The following MSH3 variants were observed in gnomAD, a reference collection of about 807,000 sequenced individuals.
The protein encoded by MSH3 is mutS homolog 3, also known as DNA mismatch repair protein Msh3.
Under a neutral mutation model 123.3 loss-of-function variants are expected in MSH3, and 106 were observed. The observed-to-expected ratio is 0.86, with a 90% confidence interval of 0.73 to 1.01. MSH3 has a LOEUF of 1.01. Among genes scored for constraint, MSH3 ranks in the 50% least tolerant of loss-of-function variants. The probability of loss-of-function intolerance (pLI) is 0.00; values close to 1 mark genes in which losing one functional copy is unlikely to be tolerated. For missense variants in MSH3, 1,459 were observed against 1,347.6 expected (o/e 1.08, Z -1.29); for synonymous variants, 515 against 481.4 (o/e 1.07, Z -0.91).
chr5:80,831,714 GA>G (rs1745420736), intron 20 of MSH3, among the ~76,000 whole-genome samples: 1 of 148,920 alleles, frequency 6.7e-6, no homozygotes, highest in African/African-American at 2.5e-5. Context: ...AACAAGCTTT[GA>G]CTTAGACATC....
In MSH3 at chr5:80,813,620, A is replaced by C; in HGVS notation, c.2692A>C (p.Asn898His). The change falls in exon 20 of 24, where the codon AAC becomes CAC. Residue 898 changes from asparagine (N) to histidine (H), a missense_variant. Physicochemically the swap from Asn to His is moderately conservative, Grantham distance 68 (BLOSUM62 1). Transcript: ENST00000265081. ...SERVMIITGP[N>H]MGGKSSYIKQ... ...GAGAGTAATGATAATTACCGGACCA[A>C]ACATGGGTGGAAAGAGCTCCTACAT... 1 of 1,614,180 alleles carries C rather than the reference A, an allele frequency of 6.2e-7. No homozygotes were observed. Among genetic ancestry groups the C allele is most frequent in the South Asian group, 1.1e-5 (1 of 91,080 alleles).
At chr5:80,749,968 CTCTG>C (rs1743803132) in intron 12 of MSH3, among the ~76,000 whole-genome samples, 1 of 151,844 alleles carries the variant, frequency 6.6e-6, no homozygotes, top group African/African-American at 2.4e-5. Flanking sequence ...TGTGGTATTT[CTCTG>C]TCTGTGCCTG....
chr5:80,836,573 A>G, intron 20 of MSH3, among the ~76,000 whole-genome samples: 1 of 141,646 alleles, frequency 7.1e-6, no homozygotes. Flanking sequence ...AAAAGCTCTG[A>G]ATTAGTTTTC....
At chr5:80,754,043 A>G (rs747160450) in intron 12 of MSH3, among the ~76,000 whole-genome samples, 3 of 152,166 alleles carry the variant, frequency 2.0e-5, no homozygotes, top group South Asian at 2.1e-4. Flanking sequence ...GTTGCCAGAG[A>G]TGGTTTTTGT....
Position 80,775,734 on chromosome 5 carries a change from C to A in MSH3, c.2294C>A (p.Pro765Gln). Residue 765 changes from proline (P) to glutamine (Q), a missense_variant, in exon 16 of 24, where the codon CCA (proline) becomes CAA (glutamine). Coordinates refer to ENST00000265081, the MANE Select transcript of MSH3 (RefSeq NM_002439.5). ...AAGAACTCTGCTGTATCTTGTATAC[C>A]AACTGATTGGGTAAAGGTTGGAAGG... ...EIKNSAVSCI[P>Q]TDWVKVGSTK... is the part of the protein sequence containing the mutation. 1 of 1,588,144 alleles carries A rather than the reference C, an allele frequency of 6.3e-7. No individual in the cohort carries two copies. Among genetic ancestry groups the A allele is most frequent in the South Asian group, 1.1e-5 (1 of 90,454 alleles).
chr5:80,865,768 C>G (rs1378518427), intron 22 of MSH3, among the ~76,000 whole-genome samples: 1 of 152,058 alleles, frequency 6.6e-6, no homozygotes, highest in African/African-American at 2.4e-5. Context: ...GCAAGATACC[C>G]CAGAGTCCAG....
In MSH3 at chr5:80,759,528, A is replaced by T. The variant is rs1580025150; in HGVS notation, c.1764-2018A>T. Among the ~76,000 whole-genome samples, 3 of 152,324 alleles carry T rather than the reference A, an allele frequency of 2.0e-5. No homozygotes were observed. In the South Asian group the frequency reaches 6.2e-4, roughly 32 times the overall value. On this transcript the variant is annotated intron_variant, in intron 12 of 23. Transcript: ENST00000265081. ...AACTTAGAGTAGGAGGAAGAGAGTG[A>T]CACATGATCTCAGGGGAGACCCAAG...
chr5:80,737,244 A>T (rs1743528033), intron 10 of MSH3, among the ~76,000 whole-genome samples: 1 of 152,138 alleles, frequency 6.6e-6, no homozygotes, highest in African/African-American at 2.4e-5. Context: ...TCAGCAATAG[A>T]TTTCATGTGT....
chr5:80,677,618 A>G (rs1749871735), intron 7 of MSH3, among the ~76,000 whole-genome samples: 1 of 152,178 alleles, frequency 6.6e-6, no homozygotes. Flanking sequence ...CCTCCAACCC[A>G]TAAGATCCCT....
chr5:80,718,073 G>T (rs1338565829), intron 8 of MSH3, among the ~76,000 whole-genome samples: 1 of 152,180 alleles, frequency 6.6e-6, no homozygotes, highest in Middle Eastern at 3.2e-3. Flanking sequence ...GAAGAAGGCT[G>T]CTGAAACCAC....
intron 8 of MSH3, among the ~76,000 whole-genome samples, chr5:80,682,936 A>G (rs1750003707): frequency 6.6e-6 from 1 of 152,102 alleles, no homozygotes; most frequent in Non-Finnish European, 1.5e-5. Flanking sequence ...TAGCTCCCAC[A>G]AGTAGGTGAG....
intron 20 of MSH3, among the ~76,000 whole-genome samples, chr5:80,818,962 A>G (rs925825677): frequency 1.1e-4 from 16 of 152,166 alleles, no homozygotes; most frequent in African/African-American, 3.6e-4. Flanking sequence ...CATTGTTTCA[A>G]ACTGTGCGTA....
At chr5:80,769,219 T>G (rs1163091026) in intron 15 of MSH3, among the ~76,000 whole-genome samples, 1 of 152,132 alleles carries the variant, frequency 6.6e-6, no homozygotes, top group African/African-American at 2.4e-5. Context: ...CTTAATGTTA[T>G]ATGTATATTA....
chr5:80,869,386 T>C (rs565829329), intron 22 of MSH3, among the ~76,000 whole-genome samples: 13 of 152,326 alleles, frequency 8.5e-5, no homozygotes, highest in Admixed American at 2.6e-4. Flanking sequence ...TCAAGAACTT[T>C]TGCTGTGAGC....
chr5:80,813,910 C>T (rs1745054832), intron 20 of MSH3, among the ~76,000 whole-genome samples, 169 bp downstream of exon 20: 1 of 152,050 alleles, frequency 6.6e-6, no homozygotes, highest in African/African-American at 2.4e-5. Context: ...CCTGTGATCC[C>T]AGCACTTTGG....
chr5:80,725,511 C>T lies in MSH3; in HGVS notation c.1399C>T (p.His467Tyr). 1 of 1,613,944 alleles carries T rather than the reference C, an allele frequency of 6.2e-7. No individual in the cohort carries two copies. Among genetic ancestry groups the T allele is most frequent in the Non-Finnish European group, 8.5e-7 (1 of 1,179,926 alleles). Residue 467 changes from histidine to tyrosine, a missense_variant, in exon 9 of 24, where the codon CAT becomes TAT. Transcript: ENST00000265081. ...RMDNIYFEYS[H>Y]AFQAVTEFYA... ...GGATAACATTTATTTTGAATACAGC[C>T]ATGCTTTCCAGGCAGTTACAGAGTT... is the stretch of plus-strand genomic sequence containing the variant.
intron 18 of MSH3, among the ~76,000 whole-genome samples, chr5:80,790,855 C>T (rs1175004631): frequency 2.6e-5 from 4 of 152,138 alleles, no homozygotes; most frequent in Non-Finnish European, 5.9e-5. Context: ...GAGAAAAAAA[C>T]CAGTGCCCTG....
intron 20 of MSH3, among the ~76,000 whole-genome samples, chr5:80,819,114 T>C (rs1371308810): frequency 6.6e-6 from 1 of 151,770 alleles, no homozygotes; most frequent in African/African-American, 2.4e-5. Flanking sequence ...TGCAGTAGAA[T>C]GGAGTAGAAG....
At chr5:80,686,513 T>G (rs538723034) in intron 8 of MSH3, among the ~76,000 whole-genome samples, 10 of 152,146 alleles carry the variant, frequency 6.6e-5, no homozygotes, top group Non-Finnish European at 2.9e-5. Flanking sequence ...GGTTTCACCA[T>G]GTTGTCCAGG....
Sources: gnomAD v4.1 joint callset for allele counts (sites outside exome capture counted in the v4.1 genomes callset) on GRCh38, gnomAD v4.1.1 for gene constraint, MANE v1.5 for transcripts, NCBI Gene and HGNC (gene_info 2026-07-23, HGNC 2026-07-21) for gene names.